Variants in ABCB11 observed in about 807,000 individuals in gnomAD.
The protein encoded by ABCB11 is ATP binding cassette subfamily B member 11, also known as bile salt export pump.
In ABCB11, 95 loss-of-function variants were observed where a neutral mutation model predicts 148.0. The observed-to-expected ratio is 0.64, with a 90% CI of 0.54 to 0.76. ABCB11 has a LOEUF of 0.76. Among genes scored for constraint, ABCB11 ranks in the 30% least tolerant of loss-of-function variants. The probability of loss-of-function intolerance (pLI) is 0.00; values close to 1 mark genes in which losing one functional copy is unlikely to be tolerated. For missense variants in ABCB11, 1,523 were observed against 1,617.8 expected, an observed-to-expected ratio of 0.94 and a Z score of 1.01; for synonymous variants, 591 against 555.4, an observed-to-expected ratio of 1.06 and a Z score of -0.90.
At chr2:168,917,101 C>T (rs548981644), downstream of ABCB11, among the ~76,000 whole-genome samples, 4 of 151,970 alleles carry the variant, frequency 2.6e-5, no homozygotes, top group Admixed American at 6.6e-5. Context: ...ATTATAGGCA[C>T]GGGGGCAGCA....
At chr2:168,960,076 A>G (rs920992378) in intron 18 of ABCB11, among the ~76,000 whole-genome samples, 4 of 151,554 alleles carry the variant, frequency 2.6e-5, no homozygotes, top group Admixed American at 2.6e-4. Flanking sequence ...TCTCTGTTCT[A>G]GAGAGTGGTT....
Position 168,934,986 on chromosome 2 carries a change from A to G in ABCB11, c.3056+198T>C, listed in dbSNP as rs1437994983. On this transcript the variant is annotated intron_variant, in intron 23 of 27. Coordinates refer to ENST00000650372, the MANE Select transcript of ABCB11 (RefSeq NM_003742.4). Reference sequence around the variant, plus strand: ...AGGCCATGTGGAGACAGAAGAATACACAGAAGCCTGACTGAGTCAGCCCAG... The same window carrying G: ...AGGCCATGTGGAGACAGAAGAATACGCAGAAGCCTGACTGAGTCAGCCCAG... 2.6e-5 allele frequency among the ~76,000 whole-genome samples: 4 copies of G among 152,240 alleles called. No homozygotes were observed. In the East Asian group the frequency reaches 7.7e-4, roughly 29 times the overall value.
At chr2:169,007,617 C>T (rs1322112002) in intron 5 of ABCB11, among the ~76,000 whole-genome samples, 1 of 152,114 alleles carries the variant, frequency 6.6e-6, no homozygotes, top group Non-Finnish European at 1.5e-5. Context: ...TTGGATTTGG[C>T]AATAGTTTCT....
At chr2:168,939,765 G>T (rs1262686770) in intron 21 of ABCB11, among the ~76,000 whole-genome samples, 1 of 151,970 alleles carries the variant, frequency 6.6e-6, no homozygotes, top group African/African-American at 2.4e-5. Context: ...AAGGTTTGTG[G>T]CAACCCTGTA....
chr2:168,916,445 T>G (rs1282045910), downstream of ABCB11, among the ~76,000 whole-genome samples: 4 of 152,234 alleles, frequency 2.6e-5, no homozygotes, highest in Non-Finnish European at 4.4e-5. Flanking sequence ...GATAGCCACA[T>G]GCCAATCACG....
chr2:168,920,119 G>A (rs1691031800), downstream of ABCB11, among the ~76,000 whole-genome samples: 2 of 152,080 alleles, frequency 1.3e-5, no homozygotes, highest in Non-Finnish European at 2.9e-5. Flanking sequence ...TCTTGCCTCG[G>A]CCTCCTAAAG....
intron 9 of ABCB11, among the ~76,000 whole-genome samples, 183 bp downstream of exon 9, chr2:168,990,618 T>C (rs74860632): frequency 6.6e-6 from 1 of 152,120 alleles, no homozygotes; most frequent in Non-Finnish European, 1.5e-5. Context: ...TGCTAAAGGC[T>C]TGGGACTTCT....
rs60786878 is a variant in ABCB11, at chr2:169,022,951, TA to T, written c.-27-4800del. Reference sequence around the variant, plus strand: ...TTCCTGTTTTGAAAACCTATAAAATTAAAAAAAAATCATTATTTTGCAACCC... The same window carrying T: ...TTCCTGTTTTGAAAACCTATAAAATTAAAAAAAATCATTATTTTGCAACCC... On this transcript the variant is annotated intron_variant, in intron 1 of 27. Coordinates refer to ENST00000650372, the MANE Select transcript of ABCB11 (RefSeq NM_003742.4). Among the ~76,000 whole-genome samples, 216 of 151,608 alleles carry T rather than the reference TA, an allele frequency of 1.4e-3. 2 individuals carry two copies. The highest frequency in any genetic ancestry group is 4.6e-3 in the African/African-American group (189 of 41,352).
At chr2:168,967,580 G>C (rs924727616) in intron 17 of ABCB11, among the ~76,000 whole-genome samples, 1 of 151,868 alleles carries the variant, frequency 6.6e-6, no homozygotes, top group African/African-American at 2.4e-5. Context: ...GAATGAGCAA[G>C]TCTTATCTCT....
intron 9 of ABCB11, among the ~76,000 whole-genome samples, chr2:168,990,243 C>A (rs1189681862): frequency 6.6e-6 from 1 of 152,018 alleles, no homozygotes; most frequent in East Asian, 1.9e-4. Context: ...CTGGGCTTTT[C>A]TTTCATGGGA....
In ABCB11 at chr2:168,932,428, C is replaced by A; in HGVS notation, c.3162G>T (p.Leu1054=). The A allele has an allele frequency of 6.2e-7, 1 of 1,600,360 alleles. No individual in the cohort carries two copies. The highest frequency in any genetic ancestry group is 8.5e-7 in the Non-Finnish European group (1 of 1,173,138). Reference sequence around the variant, plus strand: ...CACTGATTGGGGGTTGTCGGTCCAGCAGTTGAAAAAAGCGTGCAGCTGATA... The same window carrying A: ...CACTGATTGGGGGTTGTCGGTCCAGAAGTTGAAAAAAGCGTGCAGCTGATA... The part of the protein sequence containing the change: ...AKISAARFFQ[L]LDRQPPISVY... Residue 1054 remains leucine, a synonymous_variant, in exon 24 of 28, where the codon CTG becomes CTT. Transcript: ENST00000650372.
intron 5 of ABCB11, among the ~76,000 whole-genome samples, chr2:169,008,129 G>A (rs1260989939): frequency 6.6e-6 from 1 of 152,080 alleles, no homozygotes; most frequent in Non-Finnish European, 1.5e-5. Flanking sequence ...TCCACTTCCT[G>A]CTCCCTAGGA....
intron 5 of ABCB11, among the ~76,000 whole-genome samples, chr2:169,002,416 A>T (rs1249465454): frequency 6.6e-6 from 1 of 152,208 alleles, no homozygotes; most frequent in Non-Finnish European, 1.5e-5. Flanking sequence ...TTAGAAATAG[A>T]ACTGCTATAT....
At chr2:169,009,085 A>T (rs943540058) in intron 5 of ABCB11, among the ~76,000 whole-genome samples, 17 of 152,200 alleles carry the variant, frequency 1.1e-4, no homozygotes, top group Non-Finnish European at 2.5e-4. Context: ...TACAGTCAGA[A>T]AGCAGATTAG....
At chr2:169,005,566 G>A (rs1467662299) in intron 5 of ABCB11, among the ~76,000 whole-genome samples, 1 of 152,116 alleles carries the variant, frequency 6.6e-6, no homozygotes, top group Non-Finnish European at 1.5e-5. Flanking sequence ...CCCAACAACA[G>A]CACTGAATCT....
chr2:168,963,001 T>C (rs1040005544), intron 18 of ABCB11, among the ~76,000 whole-genome samples: 10 of 151,782 alleles, frequency 6.6e-5, no homozygotes, highest in Non-Finnish European at 1.2e-4. Context: ...CACTCCCTTG[T>C]CATTTTCATA....
chr2:168,998,968 G>A (rs941761465), intron 5 of ABCB11, among the ~76,000 whole-genome samples: 1 of 152,042 alleles, frequency 6.6e-6, no homozygotes, highest in Admixed American at 6.6e-5. Flanking sequence ...GAGCAGGCCT[G>A]GCTTTGCTCC....
intron 12 of ABCB11, among the ~76,000 whole-genome samples, chr2:168,975,807 T>C (rs1282154399): frequency 6.7e-6 from 1 of 149,024 alleles, no homozygotes; most frequent in Non-Finnish European, 1.5e-5. Context: ...ATATCATATA[T>C]ATCACATATA....
At chr2:168,981,382 G>A (rs1694131311) in intron 10 of ABCB11, among the ~76,000 whole-genome samples, 1 of 152,110 alleles carries the variant, frequency 6.6e-6, no homozygotes, top group South Asian at 2.1e-4. Flanking sequence ...ATTATGGCAG[G>A]TGGTTCCTCC....
Sources: gnomAD v4.1 joint callset for allele counts (sites outside exome capture counted in the v4.1 genomes callset) on GRCh38, gnomAD v4.1.1 for gene constraint, MANE v1.5 for transcripts, NCBI Gene and HGNC (gene_info 2026-07-23, HGNC 2026-07-21) for gene names.